INSYN2B: variants seen among roughly 807,000 people sequenced by gnomAD.
INSYN2B encodes the protein inhibitory synaptic factor family member 2B.
A neutral mutation model predicts 41.2 loss-of-function variants in INSYN2B; 16 were observed. That is an observed-to-expected ratio of 0.39 (90% CI 0.26 to 0.59). INSYN2B has a LOEUF of 0.59. INSYN2B is among the 20% of genes least tolerant of loss of function. The probability of loss-of-function intolerance (pLI) is 0.57; values close to 1 mark genes in which losing one functional copy is unlikely to be tolerated. For missense variants in INSYN2B, 608 were observed against 646.4 expected, an observed-to-expected ratio of 0.94 and a Z score of 0.64; for synonymous variants, 245 against 244.4, an observed-to-expected ratio of 1.00 and a Z score of -0.02.
rs150549690 is a variant in INSYN2B, at chr5:169,885,094, G to A, written c.-918-278C>T. On this transcript the variant is annotated intron_variant, in intron 1 of 3. Transcript: ENST00000377365. ...CAGTCAAGTCCCAGCAATTTCTCAGGCAGCCTTTACAATGTCTCCCTCTTA... is the reference window on the plus strand; with the variant it reads ...CAGTCAAGTCCCAGCAATTTCTCAGACAGCCTTTACAATGTCTCCCTCTTA... Among the ~76,000 whole-genome samples the A allele has an allele frequency of 4.2e-3, 638 of 152,234 alleles. 6 individuals carry two copies. The highest frequency in any genetic ancestry group is 0.014 in the African/African-American group (602 of 41,518).
intron 1 of INSYN2B, among the ~76,000 whole-genome samples, chr5:169,935,715 C>G (rs1775960404): frequency 6.6e-6 from 1 of 152,162 alleles, no homozygotes; most frequent in South Asian, 2.1e-4. Context: ...GCTTCAACTG[C>G]TACATTATGT....
At chr5:169,924,320 C>G (rs1209392497) in intron 1 of INSYN2B, among the ~76,000 whole-genome samples, 1 of 152,190 alleles carries the variant, frequency 6.6e-6, no homozygotes, top group South Asian at 2.1e-4. Flanking sequence ...TAGGAAGTCT[C>G]TGTCCTCATA....
rs1307784402 is a variant in INSYN2B at position 169,861,823 on chromosome 5, G to A, written c.*2450C>T. Among the ~76,000 whole-genome samples the A allele has an allele frequency of 6.6e-6, 1 of 152,172 alleles. No individual in the cohort carries two copies. Among genetic ancestry groups the A allele is most frequent in the Admixed American group, 6.5e-5 (1 of 15,276 alleles). Reference sequence around the variant, plus strand: ...GAAGAGAACTCCTTCCCAGTTTCAGGTCAGTGGCCCAAGCAATGCGGTGTT... The same window carrying A: ...GAAGAGAACTCCTTCCCAGTTTCAGATCAGTGGCCCAAGCAATGCGGTGTT... On this transcript the variant is annotated 3_prime_UTR_variant, in exon 4 of 4. Coordinates refer to ENST00000377365, the MANE Select transcript of INSYN2B (RefSeq NM_001129891.3).
chr5:169,978,528 G>A (rs550082755), intron 1 of INSYN2B, among the ~76,000 whole-genome samples: 16 of 152,116 alleles, frequency 1.1e-4, no homozygotes, highest in African/African-American at 3.9e-4. Flanking sequence ...ATGCAAAAGA[G>A]TGGAATGATT....
chr5:169,910,982 T>A (rs1317395217), intron 1 of INSYN2B, among the ~76,000 whole-genome samples: 1 of 152,122 alleles, frequency 6.6e-6, no homozygotes, highest in African/African-American at 2.4e-5. Context: ...GTGAGAATAA[T>A]AAGTGAAACC....
intron 1 of INSYN2B, among the ~76,000 whole-genome samples, chr5:169,954,544 C>T (rs1042914470): frequency 6.6e-6 from 1 of 152,238 alleles, no homozygotes; most frequent in African/African-American, 2.4e-5. Context: ...CAGAATCAGG[C>T]AGAGCCTGGG....
chr5:169,968,068 G>A lies in INSYN2B; in HGVS notation c.-919+12209C>T, dbSNP rs569526390. Among the ~76,000 whole-genome samples the A allele has an allele frequency of 7.2e-5, 11 of 152,336 alleles. 1 individual carries two copies. In the South Asian group the frequency reaches 1.9e-3, roughly 26 times the overall value. On this transcript the variant is annotated intron_variant, in intron 1 of 3. Coordinates refer to ENST00000377365, the MANE Select transcript of INSYN2B (RefSeq NM_001129891.3). ...AGGAAGTTGGATGCTGGATGCATAA[G>A]TCTGAAGCTTCAAGGAGAGAAAACC...
intron 1 of INSYN2B, among the ~76,000 whole-genome samples, chr5:169,938,782 AT>A (rs1157626526): frequency 6.6e-6 from 1 of 152,070 alleles, no homozygotes; most frequent in Non-Finnish European, 1.5e-5. Context: ...CAAACTTTTC[AT>A]TTTTTAACTT....
chr5:169,949,128 T>A (rs1213340483), intron 1 of INSYN2B, among the ~76,000 whole-genome samples: 1 of 152,218 alleles, frequency 6.6e-6, no homozygotes, highest in Non-Finnish European at 1.5e-5. Flanking sequence ...TTCCTTGGCA[T>A]CTTTTTGAAT....
At position 169,864,284 on chromosome 5, in the gene INSYN2B, A is replaced by G; in HGVS notation, c.1597T>C (p.Trp533Arg). 6.4e-7 allele frequency: 1 copy of G among 1,551,616 alleles called. No homozygotes were observed. Among genetic ancestry groups the G allele is most frequent in the Non-Finnish European group, 8.7e-7 (1 of 1,146,928 alleles). Residue 533 changes from tryptophan (W) to arginine (R), a missense_variant, in exon 4 of 4, where the codon TGG (tryptophan) becomes CGG (arginine). By Grantham distance (101) the Trp-to-Arg change is moderately radical. Transcript: ENST00000377365. ...TGGTCCCAACCAGCTCAGATCCACC[A>G]GAAGCATTTCTTTTTCACCTTCTTG... Reference protein sequence around the residue: ...KTKKVKKKCFWWI With the variant: ...KTKKVKKKCFRWI
At chr5:169,938,010 A>G (rs1776070307) in intron 1 of INSYN2B, among the ~76,000 whole-genome samples, 1 of 152,202 alleles carries the variant, frequency 6.6e-6, no homozygotes, top group Non-Finnish European at 1.5e-5. Flanking sequence ...CAGGCCAGTA[A>G]AAACTCAGAA....
At chr5:169,973,509 C>G (rs1161866715) in intron 1 of INSYN2B, among the ~76,000 whole-genome samples, 1 of 152,148 alleles carries the variant, frequency 6.6e-6, no homozygotes, top group African/African-American at 2.4e-5. Context: ...GCATGGTTAT[C>G]CCCATTCACA....
chr5:169,954,962 A>G (rs1474543795), intron 1 of INSYN2B, among the ~76,000 whole-genome samples: 1 of 152,238 alleles, frequency 6.6e-6, no homozygotes, highest in African/African-American at 2.4e-5. Context: ...TTAGGAATCA[A>G]TCGCAGACTG....
At chr5:169,932,696 T>TA (rs1298844025) in intron 1 of INSYN2B, among the ~76,000 whole-genome samples, 4 of 152,202 alleles carry the variant, frequency 2.6e-5, no homozygotes, top group Non-Finnish European at 5.9e-5. Flanking sequence ...CCCTGTTCCC[T>TA]ATATTCCAGT....
intron 1 of INSYN2B, among the ~76,000 whole-genome samples, chr5:169,957,631 T>A (rs982550809): frequency 3.9e-5 from 6 of 152,156 alleles, no homozygotes; most frequent in Non-Finnish European, 5.9e-5. Flanking sequence ...TTCCTGGTAA[T>A]GAGACACTAG....
chr5:169,939,904 A>G (rs570786716), intron 1 of INSYN2B, among the ~76,000 whole-genome samples: 1 of 152,316 alleles, frequency 6.6e-6, no homozygotes, highest in Admixed American at 6.5e-5. Context: ...AGAGTTGATC[A>G]TTTCCCATTT....
At chr5:169,974,558 G>A (rs1180995141) in intron 1 of INSYN2B, among the ~76,000 whole-genome samples, 2 of 152,170 alleles carry the variant, frequency 1.3e-5, no homozygotes, top group Admixed American at 6.5e-5. Flanking sequence ...ACCCACAGAA[G>A]GTTGACCTTG....
At chr5:169,979,646 A>C (rs1249427828) in intron 1 of INSYN2B, among the ~76,000 whole-genome samples, 1 of 152,224 alleles carries the variant, frequency 6.6e-6, no homozygotes, top group Non-Finnish European at 1.5e-5. Context: ...GCTTCTAGTC[A>C]GAAGTAAAAC....
intron 1 of INSYN2B, among the ~76,000 whole-genome samples, chr5:169,964,254 C>T (rs1344011116): frequency 6.6e-6 from 1 of 152,132 alleles, no homozygotes. Context: ...GCCTGGAGTT[C>T]AGGACTTCTG....
Sources: gnomAD v4.1 joint callset for allele counts (sites outside exome capture counted in the v4.1 genomes callset) on GRCh38, gnomAD v4.1.1 for gene constraint, MANE v1.5 for transcripts, NCBI Gene and HGNC (gene_info 2026-07-23, HGNC 2026-07-21) for gene names.